The following AK9 variants were observed in gnomAD, a reference collection of about 807,000 sequenced individuals.
AK9 encodes the protein adenylate kinase domain containing 1.
AK9 carries 191 observed loss-of-function variants against 239.6 expected under a neutral mutation model. The observed-to-expected ratio is 0.80, with a 90% CI of 0.71 to 0.90. The LOEUF is 0.90. AK9 is among the 40% of genes least tolerant of loss of function. AK9 has a pLI of 0.00. For missense variants in AK9, 1,995 were observed against 2,214.7 expected, an observed-to-expected ratio of 0.90 and a Z score of 1.99; for synonymous variants, 689 against 721.0, an observed-to-expected ratio of 0.96 and a Z score of 0.71.
At chr6:109,589,613 A>G (rs1789955215) in intron 17 of AK9, among the ~76,000 whole-genome samples, 1 of 152,188 alleles carries the variant, frequency 6.6e-6, no homozygotes, top group Non-Finnish European at 1.5e-5. Context: ...TATGTTGAAC[A>G]GCAGTGGTGA....
rs1352406183 is a variant in AK9, at chr6:109,570,643, T to A, written c.2344+2799A>T. 3.3e-5 allele frequency among the ~76,000 whole-genome samples: 5 copies of A among 151,936 alleles called. No homozygotes were observed. The East Asian group carries it at 7.7e-4, about 23-fold the overall frequency. On this transcript the variant is annotated intron_variant, in intron 21 of 40. Transcript: ENST00000424296. ...GAAGGTAAACCAGTGACATGGAGGA[T>A]AACAAGTCTCTGAAGAATCCAGAGA...
At chr6:109,674,101 T>C (rs1046109593) in intron 3 of AK9, 97 bp downstream of exon 3, 11 of 852,420 alleles carry the variant, frequency 1.3e-5, no homozygotes, top group Non-Finnish European at 1.8e-5. Flanking sequence ...AGACTCTAGA[T>C]GGTGAGTATA....
chr6:109,587,383 T>C (rs1305166680), intron 17 of AK9, among the ~76,000 whole-genome samples: 1 of 152,212 alleles, frequency 6.6e-6, no homozygotes, highest in Non-Finnish European at 1.5e-5. Flanking sequence ...GTTGTGTATA[T>C]TCATGGGTTA....
intron 2 of AK9, 30 bp from the exon 3 acceptor site, chr6:109,674,291 A>T: frequency 3.4e-6 from 5 of 1,466,690 alleles, no homozygotes; most frequent in Non-Finnish European, 4.6e-6. Flanking sequence ...TTTAAAGCCC[A>T]ATAGAACAGT....
chr6:109,667,621 C>A (rs1252381799), intron 5 of AK9, among the ~76,000 whole-genome samples: 1 of 150,380 alleles, frequency 6.6e-6, no homozygotes, highest in Non-Finnish European at 1.5e-5. Flanking sequence ...TCTCATTGTT[C>A]AATTCCCACC....
At chr6:109,556,203 G>C (rs1340705120) in intron 24 of AK9, among the ~76,000 whole-genome samples, 1 of 152,166 alleles carries the variant, frequency 6.6e-6, no homozygotes, top group African/African-American at 2.4e-5. Context: ...TGCAGGGCAG[G>C]CCTGGAGGTA....
chr6:109,617,441 TTATG>T lies in AK9; in HGVS notation c.1399+1647_1399+1650del, dbSNP rs1311876409. On this transcript the variant is annotated intron_variant, in intron 13 of 40. Transcript: ENST00000424296. Reference sequence around the variant, plus strand: ...GTATCATAAAGCTTTGATAATTACATTATGTATTAAAAGTTTACTATAAATATCA... The same window carrying T: ...GTATCATAAAGCTTTGATAATTACATTATTAAAAGTTTACTATAAATATCA... 2.9e-5 allele frequency among the ~76,000 whole-genome samples: 3 copies of T among 102,504 alleles called. No individual in the cohort carries two copies. The East Asian group carries it at 1.5e-3, about 51-fold the overall frequency. The allele number at this position is 102,504 out of a possible 152,430, so 67.2% of individuals were successfully genotyped here.
intron 37 of AK9, 61 bp from the exon 38 acceptor site, chr6:109,497,624 A>T: frequency 7.3e-7 from 1 of 1,374,326 alleles, no homozygotes; most frequent in South Asian, 1.3e-5. Context: ...GTCCTGTGTA[A>T]ATAAAAAGTC....
rs9487142 is a variant in AK9 at position 109,545,690 on chromosome 6, G to A, written c.3225+177C>T. On this transcript the variant is annotated intron_variant, in intron 26 of 40. Coordinates refer to ENST00000424296, the MANE Select transcript of AK9 (RefSeq NM_001145128.3). ...ATGTCTTTGTCAGCAGTGTGAAAAT[G>A]GACTAATACACCAAGGCAGGAGGAT... Among the ~76,000 whole-genome samples the A allele has an allele frequency of 5.6e-3, 854 of 152,136 alleles. 9 individuals are homozygous for A. Among genetic ancestry groups the A allele is most frequent in the African/African-American group, 0.02 (824 of 41,510 alleles).
At chr6:109,672,846 A>G (rs1328767966) in intron 3 of AK9, among the ~76,000 whole-genome samples, 2 of 152,232 alleles carry the variant, frequency 1.3e-5, no homozygotes, top group Non-Finnish European at 2.9e-5. Flanking sequence ...TTTAGTTACA[A>G]AAGTATGCAC....
chr6:109,498,078 T>G, intron 36 of AK9, 113 bp from the exon 37 acceptor site: 1 of 996,260 alleles, frequency 1.0e-6, no homozygotes, highest in Non-Finnish European at 1.5e-6. Context: ...AGCGTTCTGC[T>G]GCTCCTCAAA....
chr6:109,526,054 C>T (rs1780470606), intron 29 of AK9, among the ~76,000 whole-genome samples: 1 of 152,154 alleles, frequency 6.6e-6, no homozygotes, highest in South Asian at 2.1e-4. Context: ...CCAACTACTG[C>T]ATGTTCTCAT....
intron 24 of AK9, among the ~76,000 whole-genome samples, chr6:109,560,518 G>A (rs1156763226): frequency 6.6e-6 from 1 of 152,000 alleles, no homozygotes; most frequent in Admixed American, 6.6e-5. Flanking sequence ...TATCTATTGA[G>A]GTGATCATGG....
intron 32 of AK9, among the ~76,000 whole-genome samples, chr6:109,512,962 C>T (rs1778905576): frequency 6.6e-6 from 1 of 152,174 alleles, no homozygotes; most frequent in Non-Finnish European, 1.5e-5. Context: ...TTCCTTGGCT[C>T]AAGTGGTCCT....
At chr6:109,579,519 C>T (rs887367330) in intron 20 of AK9, 31 bp downstream of exon 20, 4 of 1,531,442 alleles carry the variant, frequency 2.6e-6, no homozygotes, top group Non-Finnish European at 3.5e-6. Flanking sequence ...AATACCATGA[C>T]ACATCATCAG....
rs1779299887 is a variant in AK9, at chr6:109,516,625, A to C, written c.3651T>G (p.Asp1217Glu). 1 of 1,549,406 alleles carries C rather than the reference A, an allele frequency of 6.5e-7. No individual in the cohort carries two copies. The highest frequency in any genetic ancestry group is 8.7e-7 in the Non-Finnish European group (1 of 1,146,412). The part of the protein sequence containing the change: ...KKRRENVVRD[D>E]EEISEEELEE... Reference sequence around the variant, plus strand: ...CAAGTTCTTCCTCACTAATCTCTTCATCATCTCTAACAACATTCTAAGGAA... The same window carrying C: ...CAAGTTCTTCCTCACTAATCTCTTCCTCATCTCTAACAACATTCTAAGGAA... The change falls in exon 30 of 41, where the codon GAT (aspartate) becomes GAG (glutamate). Residue 1217 changes from aspartate to glutamate, a missense_variant. This residue lies in a region of AK9 where 1,290 missense variants were observed against 1,392.7 expected (regional missense o/e 0.93). Coordinates refer to ENST00000424296, the MANE Select transcript of AK9 (RefSeq NM_001145128.3).
At chr6:109,599,271 C>A (rs1166101127) in intron 17 of AK9, among the ~76,000 whole-genome samples, 1 of 152,142 alleles carries the variant, frequency 6.6e-6, no homozygotes, top group Non-Finnish European at 1.5e-5. Context: ...AGGAAGGGAT[C>A]CAGTTTCAGC....
At chr6:109,498,515 T>G (rs1417258115) in intron 36 of AK9, among the ~76,000 whole-genome samples, 1 of 152,268 alleles carries the variant, frequency 6.6e-6, no homozygotes, top group Non-Finnish European at 1.5e-5. Flanking sequence ...TTCTTGTTGT[T>G]GTTTTCAACT....
chr6:109,582,474 T>G (rs1314632267), intron 19 of AK9, among the ~76,000 whole-genome samples: 1 of 152,178 alleles, frequency 6.6e-6, no homozygotes, highest in African/African-American at 2.4e-5. Context: ...AGGACTGTAA[T>G]GAAGGAAGTA....
Sources: allele counts gnomAD v4.1 joint callset (sites outside exome capture counted in the v4.1 genomes callset), GRCh38; gene constraint gnomAD v4.1.1; regional missense constraint gnomAD v4.1.1; transcripts MANE v1.5; gene names NCBI Gene and HGNC (gene_info 2026-07-23, HGNC 2026-07-21).